Variants in MTMR3 observed in about 807,000 individuals in gnomAD.
The protein encoded by MTMR3 is phosphatidylinositol-3,5-bisphosphate 3-phosphatase MTMR3.
In MTMR3, 32 loss-of-function variants were observed where a neutral mutation model predicts 132.4. The ratio of observed to expected loss-of-function variants is 0.24; its 90% confidence interval spans 0.18 to 0.32. The LOEUF (loss-of-function observed/expected upper bound fraction) is 0.32. MTMR3 is among the 10% of genes least tolerant of loss of function. The probability of loss-of-function intolerance (pLI) is 1.00; values close to 1 mark genes in which losing one functional copy is unlikely to be tolerated. For missense variants in MTMR3, 1,216 were observed against 1,489.6 expected (o/e 0.82, Z 3.02); for synonymous variants, 556 against 550.3 (o/e 1.01, Z -0.14).
intron 2 of MTMR3, among the ~76,000 whole-genome samples, chr22:29,960,131 A>G (rs1188358212): frequency 1.3e-5 from 2 of 152,116 alleles, no homozygotes; most frequent in Non-Finnish European, 2.9e-5. Flanking sequence ...TTTAATTTTG[A>G]TGCCAGGAAA....
At chr22:29,913,796 G>C (rs183842387) in intron 1 of MTMR3, among the ~76,000 whole-genome samples, 52 of 152,012 alleles carry the variant, frequency 3.4e-4, no homozygotes, top group African/African-American at 1.3e-3. Flanking sequence ...CTGTCGCCCA[G>C]GCTGGAGTGC....
chr22:29,942,031 C>T (rs1219104124), intron 1 of MTMR3, among the ~76,000 whole-genome samples: 1 of 152,036 alleles, frequency 6.6e-6, no homozygotes, highest in African/African-American at 2.4e-5. Flanking sequence ...TCTTGAATGC[C>T]TTTAGTTTTT....
At chr22:30,006,207 C>G (rs1468789456) in intron 9 of MTMR3, 1 of 152,142 alleles carries the variant, frequency 6.6e-6, no homozygotes, top group East Asian at 1.9e-4. Context: ...TTAATAGCAC[C>G]TTAAAGTAGA....
intron 3 of MTMR3, among the ~76,000 whole-genome samples, chr22:29,977,822 A>G (rs1054024830): frequency 1.3e-5 from 2 of 152,222 alleles, no homozygotes; most frequent in African/African-American, 4.8e-5. Context: ...TAACTTAAAG[A>G]GAAAAAAGCA....
chr22:30,026,596 C>T lies in MTMR3; in HGVS notation c.*795C>T, dbSNP rs935972164. ...CCTGGGCCAGGCTGTGTAGCACTTC[C>T]CACCCTCAGGCATGAGTACAGACTG... On this transcript the variant is annotated 3_prime_UTR_variant, in exon 20 of 20. Transcript: ENST00000401950. The T allele has an allele frequency of 6.5e-6, 1 of 152,730 alleles. No homozygotes were observed. Among genetic ancestry groups the T allele is most frequent in the East Asian group, 1.9e-4 (1 of 5,322 alleles). The allele number at this position is 152,730 out of a possible 1,614,324, so 9.5% of individuals were successfully genotyped here.
chr22:29,957,650 G>T (rs368999607), intron 2 of MTMR3, among the ~76,000 whole-genome samples: 1 of 152,002 alleles, frequency 6.6e-6, no homozygotes, highest in Non-Finnish European at 1.5e-5. Flanking sequence ...ACAGGATCTC[G>T]TTCTGTTGCC....
chr22:29,886,976 T>C (rs2064690049), intron 1 of MTMR3, among the ~76,000 whole-genome samples: 1 of 152,184 alleles, frequency 6.6e-6, no homozygotes, highest in African/African-American at 2.4e-5. Flanking sequence ...CAGTGTAACA[T>C]TGATTTAAGT....
At chr22:29,992,882 A>G (rs2066992049) in intron 7 of MTMR3, 1 of 152,224 alleles carries the variant, frequency 6.6e-6, no homozygotes, top group Non-Finnish European at 1.5e-5. Context: ...GCTTTGATAA[A>G]TACTTTTGTT....
At chr22:30,003,036 G>C (rs2067206850) in intron 9 of MTMR3, 43 bp downstream of exon 9, 1 of 1,486,438 alleles carries the variant, frequency 6.7e-7, no homozygotes, top group East Asian at 2.3e-5. Flanking sequence ...TGGTGCTGCT[G>C]CCTGCTGCAT....
At chr22:29,991,457 T>A (rs769322302) in intron 6 of MTMR3, 47 bp from the exon 7 acceptor site, 19 of 1,525,074 alleles carry the variant, frequency 1.2e-5, no homozygotes, top group Admixed American at 6.5e-5. Context: ...TACATTTCAT[T>A]TCAACTGTCT....
chr22:29,920,124 G>C (rs2145766937), intron 1 of MTMR3, among the ~76,000 whole-genome samples: 1 of 151,746 alleles, frequency 6.6e-6, no homozygotes, highest in South Asian at 2.1e-4. Flanking sequence ...TGAGGCAGGA[G>C]AATCGCTTGA....
intron 1 of MTMR3, among the ~76,000 whole-genome samples, chr22:29,909,056 C>T (rs373836426): frequency 2.0e-4 from 30 of 150,814 alleles, no homozygotes; most frequent in African/African-American, 6.8e-4. Flanking sequence ...ACTGCAGCCT[C>T]GACCTTCCAG....
chr22:29,986,451 CT>C, intron 5 of MTMR3: 1 of 530,992 alleles, frequency 1.9e-6, no homozygotes, highest in Non-Finnish European at 2.4e-6. Context: ...TCTTCTTAAT[CT>C]CAATATTTCT....
At chr22:29,991,738 A>T (rs1290345542) in intron 7 of MTMR3, 68 bp downstream of exon 7, 15 of 1,450,602 alleles carry the variant, frequency 1.0e-5, no homozygotes, top group Non-Finnish European at 1.3e-5. Context: ...TACTTTTAAC[A>T]TGAAATGGGA....
chr22:29,946,953 C>T (rs1239969773), intron 1 of MTMR3, among the ~76,000 whole-genome samples: 2 of 151,886 alleles, frequency 1.3e-5, no homozygotes, highest in Admixed American at 1.3e-4. Flanking sequence ...TAGAGTACTC[C>T]CATTGAAAAA....
rs2067300586 is a variant in MTMR3, at chr22:30,007,602, G to A, written c.877+283G>A. On this transcript the variant is annotated intron_variant, in intron 10 of 19. Coordinates refer to ENST00000401950, the MANE Select transcript of MTMR3 (RefSeq NM_021090.4). ...AGGACTTGCAGTATCTGCAGACCATGGCAGGAAATGCCAGGCTTCATGAAA... is the reference window on the plus strand; with the variant it reads ...AGGACTTGCAGTATCTGCAGACCATAGCAGGAAATGCCAGGCTTCATGAAA... The A allele has an allele frequency of 1.1e-5, 6 of 557,390 alleles. No individual in the cohort carries two copies. The Admixed American group carries it at 1.6e-4, about 15-fold the overall frequency. 34.5% of individuals were successfully genotyped at this position (557,390 alleles called of 1,614,324 possible). A position where few individuals can be genotyped will look rare whatever the true frequency, so the allele number is the denominator to read the frequency against.
chr22:29,899,135 G>A (rs1421037775), intron 1 of MTMR3, among the ~76,000 whole-genome samples: 2 of 152,140 alleles, frequency 1.3e-5, no homozygotes, highest in African/African-American at 4.8e-5. Flanking sequence ...GAGATGAGGA[G>A]CCTTCAATCC....
intron 7 of MTMR3, chr22:29,997,776 A>G (rs1196011628): frequency 6.6e-6 from 1 of 152,126 alleles, no homozygotes; most frequent in Non-Finnish European, 1.5e-5. Context: ...TTCATACCCT[A>G]TTTGGTGTCT....
chr22:29,901,444 ACT>A (rs1328774819), intron 1 of MTMR3, among the ~76,000 whole-genome samples: 1 of 151,938 alleles, frequency 6.6e-6, no homozygotes, highest in Non-Finnish European at 1.5e-5. Context: ...AATAATTAAG[ACT>A]CTATCATATG....
Sources: gnomAD v4.1 joint callset for allele counts (sites outside exome capture counted in the v4.1 genomes callset) on GRCh38, gnomAD v4.1.1 for gene constraint, MANE v1.5 for transcripts, NCBI Gene and HGNC (gene_info 2026-07-23, HGNC 2026-07-21) for gene names.